Variants in ATP9A observed in about 807,000 individuals in gnomAD.
The protein encoded by ATP9A is probable phospholipid-transporting ATPase IIA.
In ATP9A, 52 loss-of-function variants were observed where a neutral mutation model predicts 144.1. The ratio of observed to expected loss-of-function variants is 0.36; its 90% CI spans 0.29 to 0.45. ATP9A has a LOEUF of 0.45. ATP9A is among the 20% of genes least tolerant of loss of function. The pLI is 1.00. For missense variants in ATP9A, 947 were observed against 1,392.7 expected (o/e 0.68, Z 5.09); for synonymous variants, 582 against 557.4 (o/e 1.04, Z -0.62).
chr20:51,712,931 C>T, intron 4 of ATP9A, 35 bp downstream of exon 4: 9 of 1,557,670 alleles, frequency 5.8e-6, no homozygotes, highest in Non-Finnish European at 7.9e-6. Context: ...CGTGATTGAG[C>T]TGCAACCCTG....
Position 51,676,182 on chromosome 20 carries a change from T to C in ATP9A, c.826A>G (p.Thr276Ala), listed in dbSNP as rs1442143505. ...SGTVVGVVLY[T>A]GRELRSVMNT... ...ATGACACTCCGGAGTTCTCTGCCAG[T>C]GTAAAGAACAACACCCACAACAGTA... The change falls in exon 10 of 28, where the codon ACT becomes GCT. Residue 276 changes from threonine to alanine, a missense_variant. Physicochemically the swap from Thr to Ala is moderately conservative, Grantham distance 58. Coordinates refer to ENST00000338821, the MANE Select transcript of ATP9A (RefSeq NM_006045.3). 13 of 1,608,298 alleles carry C rather than the reference T, an allele frequency of 8.1e-6. No individual in the cohort carries two copies. The South Asian group carries it at 1.1e-4, about 14-fold the overall frequency.
chr20:51,657,181 G>A lies in ATP9A; in HGVS notation c.1294-31C>T, dbSNP rs763942787. On this transcript the variant is annotated intron_variant, in intron 13 of 27. Transcript: ENST00000338821. ...GGAAGGAGAAATGAACAAGGAAGATGACCAGAGGCAGGAATGATTTGGAGA... is the reference window on the plus strand; with the variant it reads ...GGAAGGAGAAATGAACAAGGAAGATAACCAGAGGCAGGAATGATTTGGAGA... 40 of 1,570,908 alleles carry A rather than the reference G, an allele frequency of 2.5e-5. No homozygotes were observed. The South Asian group carries it at 3.9e-4, about 15-fold the overall frequency.
In ATP9A at chr20:51,599,057, A is replaced by G. The variant is rs1159789330; in HGVS notation, c.*2154T>C. 6.6e-6 allele frequency: 1 copy of G among 152,202 alleles called. No individual in the cohort carries two copies. The highest frequency in any genetic ancestry group is 1.9e-4 in the East Asian group (1 of 5,206). The allele number at this position is 152,202 out of a possible 1,614,324, so 9.4% of individuals were successfully genotyped here. A position where few individuals can be genotyped will look rare whatever the true frequency, so the allele number is the denominator to read the frequency against. ...CTTTAAAAGTCAACTTGTGCACCTC[A>G]ATCAAAATTGAGAATTAAGGAAAAG... On this transcript the variant is annotated 3_prime_UTR_variant, in exon 28 of 28. Coordinates refer to ENST00000338821, the MANE Select transcript of ATP9A (RefSeq NM_006045.3).
chr20:51,607,156 C>A (rs1334592538), intron 26 of ATP9A, among the ~76,000 whole-genome samples: 1 of 152,096 alleles, frequency 6.6e-6, no homozygotes, highest in Non-Finnish European at 1.5e-5. Context: ...CTGGGAAGAC[C>A]CCCCTCTGGA....
chr20:51,607,878 T>C (rs866221043), intron 25 of ATP9A, among the ~76,000 whole-genome samples: 1 of 151,920 alleles, frequency 6.6e-6, no homozygotes, highest in Non-Finnish European at 1.5e-5. Context: ...ACCTCCTCTT[T>C]ACTAAAAATA....
Position 51,598,218 on chromosome 20 carries a change from G to GA in ATP9A, c.*2992dup, listed in dbSNP as rs2077127566. ...CAAAAAGGAAGGGGTGGGGGGAGGG[G>GA]AAGAAACCAAATAGATCCTGCTTCC... On this transcript the variant is annotated 3_prime_UTR_variant, in exon 28 of 28. Transcript: ENST00000338821. 1.7e-5 allele frequency: 2 copies of GA among 118,476 alleles called. No individual in the cohort carries two copies. The highest frequency in any genetic ancestry group is 3.2e-5 in the African/African-American group (1 of 31,262). 7.3% of individuals were successfully genotyped at this position (118,476 alleles called of 1,614,324 possible). A position where few individuals can be genotyped will look rare whatever the true frequency, so the allele number is the denominator to read the frequency against.
Position 51,657,124 on chromosome 20 carries a change from C to G in ATP9A, c.1320G>C (p.Lys440Asn). 6.2e-7 allele frequency: 1 copy of G among 1,614,126 alleles called. No homozygotes were observed. Among genetic ancestry groups the G allele is most frequent in the Non-Finnish European group, 8.5e-7 (1 of 1,180,022 alleles). ...TQQSQDPPAQ[K>N]GPTLTTKVRR... The stretch of plus-strand genomic sequence containing the variant: ...GGACCTTAGTGGTGAGCGTTGGGCC[C>G]TTCTGAGCCGGTGGGTCCTGGGATT... Residue 440 changes from lysine (K) to asparagine (N), a missense_variant, in exon 14 of 28, where the codon AAG (lysine) becomes AAC (asparagine). Transcript: ENST00000338821.
intron 9 of ATP9A, among the ~76,000 whole-genome samples, chr20:51,681,212 G>A (rs1421388531): frequency 6.6e-6 from 1 of 152,164 alleles, no homozygotes; most frequent in Non-Finnish European, 1.5e-5. Flanking sequence ...GAGAATGGCA[G>A]CAAAACACTT....
chr20:51,716,677 T>G (rs755950001), intron 3 of ATP9A, among the ~76,000 whole-genome samples: 6 of 151,676 alleles, frequency 4.0e-5, no homozygotes, highest in Non-Finnish European at 5.9e-5. Flanking sequence ...ATTTAAAACT[T>G]AACAATGAAA....
At chr20:51,734,303 G>A (rs2077754317) in intron 1 of ATP9A, among the ~76,000 whole-genome samples, 1 of 152,000 alleles carries the variant, frequency 6.6e-6, no homozygotes, top group Admixed American at 6.6e-5. Context: ...CTTTTATAAG[G>A]GAATTCATGA....
At chr20:51,630,777 C>T (rs76818230) in intron 15 of ATP9A, among the ~76,000 whole-genome samples, 4,049 of 152,272 alleles carry the variant, frequency 0.027, 67 homozygotes, top group Admixed American at 0.056. Context: ...TGAACACCCC[C>T]GATTCCTACT....
At chr20:51,723,513 G>C (rs2077698373) in intron 3 of ATP9A, among the ~76,000 whole-genome samples, 1 of 151,686 alleles carries the variant, frequency 6.6e-6, no homozygotes, top group African/African-American at 2.4e-5. Flanking sequence ...ATTCAAGGCT[G>C]CAGTGAGCTA....
At chr20:51,664,322 C>T (rs1355826727) in intron 13 of ATP9A, among the ~76,000 whole-genome samples, 2 of 152,156 alleles carry the variant, frequency 1.3e-5, no homozygotes, top group Non-Finnish European at 2.9e-5. Context: ...TGCAGTGGCT[C>T]ATGCCTGTAA....
Position 51,658,895 on chromosome 20 carries a change from G to GGGA in ATP9A, c.1294-1746_1294-1745insTCC, listed in dbSNP as rs1555833855. On this transcript the variant is annotated intron_variant, in intron 13 of 27. Transcript: ENST00000338821. ...GAAAATTAAGACCACTGGCGGGGGGGGGGGGGGGAAGGCTCATTGTTGAAC... is the reference window on the plus strand; with the variant it reads ...GAAAATTAAGACCACTGGCGGGGGGGGGAGGGGGGGGAAGGCTCATTGTTGAAC... 2.7e-4 allele frequency among the ~76,000 whole-genome samples: 32 copies of GGGA among 117,532 alleles called. 9 individuals are homozygous for GGGA. The highest frequency in any genetic ancestry group is 1.0e-3 in the African/African-American group (29 of 28,746). The allele number at this position is 117,532 out of a possible 152,430, so 77.1% of individuals were successfully genotyped here.
intron 25 of ATP9A, among the ~76,000 whole-genome samples, chr20:51,608,231 G>C (rs1297841989): frequency 2.0e-5 from 3 of 152,156 alleles, no homozygotes; most frequent in Admixed American, 6.5e-5. Flanking sequence ...CTGCAAAGCG[G>C]AACTGTCAGG....
chr20:51,760,349 T>C (rs1265003460), intron 1 of ATP9A, among the ~76,000 whole-genome samples: 2 of 152,110 alleles, frequency 1.3e-5, no homozygotes, highest in African/African-American at 4.8e-5. Context: ...GACCAGAGCC[T>C]CTCAGGAACC....
chr20:51,675,780 G>A (rs999645200), intron 10 of ATP9A, among the ~76,000 whole-genome samples: 9 of 151,924 alleles, frequency 5.9e-5, no homozygotes, highest in Non-Finnish European at 1.2e-4. Flanking sequence ...CTCAGGAGGT[G>A]GAGTTGGGAG....
intron 19 of ATP9A, 43 bp downstream of exon 19, chr20:51,622,031 C>A (rs200300937): frequency 6.4e-7 from 1 of 1,564,106 alleles, no homozygotes; most frequent in Non-Finnish European, 8.8e-7. Context: ...TAGGACAAAT[C>A]GAACATCATC....
intron 14 of ATP9A, among the ~76,000 whole-genome samples, chr20:51,640,178 A>T (rs1282022767): frequency 6.6e-6 from 1 of 151,900 alleles, no homozygotes; most frequent in African/African-American, 2.4e-5. Context: ...GCTAAACAAT[A>T]AAAAAAAGAA....
Sources: allele counts gnomAD v4.1 joint callset (sites outside exome capture counted in the v4.1 genomes callset), GRCh38; gene constraint gnomAD v4.1.1; transcripts MANE v1.5; gene names NCBI Gene and HGNC (gene_info 2026-07-23, HGNC 2026-07-21).